The following ACOXL variants were observed in gnomAD, a reference collection of about 807,000 sequenced individuals.
The protein encoded by ACOXL is acyl-coenzyme A oxidase-like protein.
ACOXL carries 70 observed loss-of-function variants against 71.9 expected under a neutral mutation model. That is an observed-to-expected ratio of 0.97 (90% CI 0.80 to 1.19). ACOXL has a LOEUF of 1.19. Ranked by LOEUF, ACOXL falls within the 50% of genes most tolerant of loss-of-function variation. ACOXL has a pLI of 0.00. For missense variants in ACOXL, 703 were observed against 736.3 expected, an observed-to-expected ratio of 0.95 and a Z score of 0.52; for synonymous variants, 253 against 281.6, an observed-to-expected ratio of 0.90 and a Z score of 1.02.
chr2:111,059,751 A>G (rs2066712732), intron 16 of ACOXL, among the ~76,000 whole-genome samples: 1 of 150,098 alleles, frequency 6.7e-6, no homozygotes, highest in African/African-American at 2.5e-5. Context: ...ACCTGGAAAA[A>G]GCTAACGCAC....
At chr2:110,925,896 C>T (rs1320659894) in intron 11 of ACOXL, among the ~76,000 whole-genome samples, 2 of 128,022 alleles carry the variant, frequency 1.6e-5, no homozygotes, top group Admixed American at 9.4e-5. Flanking sequence ...AGCTTTCGAT[C>T]TAGAAAGACA....
chr2:110,937,237 C>T (rs527761034), intron 12 of ACOXL, among the ~76,000 whole-genome samples: 1 of 152,248 alleles, frequency 6.6e-6, no homozygotes, highest in South Asian at 2.1e-4. Context: ...AGCCCCCATC[C>T]AGAAGCTGAC....
intron 16 of ACOXL, among the ~76,000 whole-genome samples, chr2:111,088,353 C>T (rs1169109132): frequency 6.6e-6 from 1 of 152,178 alleles, no homozygotes; most frequent in East Asian, 1.9e-4. Flanking sequence ...CCTGTGTTCA[C>T]TGCAGCACCA....
At chr2:111,014,095 A>T (rs983027760) in intron 14 of ACOXL, among the ~76,000 whole-genome samples, 1 of 152,228 alleles carries the variant, frequency 6.6e-6, no homozygotes, top group Non-Finnish European at 1.5e-5. Flanking sequence ...TGGAGAGTAT[A>T]TCTACAAAAG....
At chr2:111,040,581 G>C (rs1231092786) in intron 15 of ACOXL, among the ~76,000 whole-genome samples, 3 of 152,158 alleles carry the variant, frequency 2.0e-5, no homozygotes, top group African/African-American at 4.8e-5. Context: ...TGAGATGAGA[G>C]CCCCCATAGA....
At chr2:110,943,245 AG>A (rs2060958732) in intron 12 of ACOXL, among the ~76,000 whole-genome samples, 1 of 150,114 alleles carries the variant, frequency 6.7e-6, no homozygotes, top group African/African-American at 2.5e-5. Context: ...AGAAAGAGAA[AG>A]AAAAAGAAAA....
At chr2:111,045,707 C>G (rs987870007) in intron 15 of ACOXL, among the ~76,000 whole-genome samples, 2 of 152,188 alleles carry the variant, frequency 1.3e-5, no homozygotes, top group African/African-American at 4.8e-5. Flanking sequence ...GAAACCTGCA[C>G]TGGCATAGTA....
chr2:110,800,198 C>G (rs1360064259), intron 7 of ACOXL, among the ~76,000 whole-genome samples: 1 of 152,188 alleles, frequency 6.6e-6, no homozygotes, highest in Admixed American at 6.5e-5. Flanking sequence ...TAACACTCAC[C>G]ATGAAGGTCT....
Position 111,084,302 on chromosome 2 carries a change from CACACACAA to C in ACOXL, c.1441-8562_1441-8555del, listed in dbSNP as rs1252091610. On this transcript the variant is annotated intron_variant, in intron 16 of 17. Coordinates refer to ENST00000439055, the MANE Select transcript of ACOXL (RefSeq NM_001142807.4). ...ACACACACACACACACACACACACA[CACACACAA>C]GAAGTGGAAGGATTGTGGGGGAGAC... 9.7e-4 allele frequency among the ~76,000 whole-genome samples: 135 copies of C among 138,654 alleles called. 1 individual carries two copies. The highest frequency in any genetic ancestry group is 3.4e-3 in the African/African-American group (122 of 36,144). The allele number at this position is 138,654 out of a possible 152,430, so 91.0% of individuals were successfully genotyped here.
intron 12 of ACOXL, among the ~76,000 whole-genome samples, chr2:110,946,102 T>C (rs1030063981): frequency 1.3e-5 from 2 of 152,256 alleles, no homozygotes; most frequent in African/African-American, 4.8e-5. Flanking sequence ...GCATCACGTT[T>C]TGTGGCATAA....
chr2:110,909,076 C>T (rs1558711830), intron 11 of ACOXL, among the ~76,000 whole-genome samples, 171 bp downstream of exon 11: 1 of 152,172 alleles, frequency 6.6e-6, no homozygotes, highest in Admixed American at 6.5e-5. Flanking sequence ...TAAACCACTG[C>T]AAATGTTTTT....
chr2:110,991,068 G>A (rs866980316), intron 13 of ACOXL, among the ~76,000 whole-genome samples: 6 of 152,032 alleles, frequency 3.9e-5, no homozygotes, highest in South Asian at 2.1e-4. Context: ...AAAATAATCC[G>A]GGCTTGGCGA....
chr2:111,045,477 G>A (rs1175495759), intron 15 of ACOXL, among the ~76,000 whole-genome samples: 1 of 152,196 alleles, frequency 6.6e-6, no homozygotes, highest in Non-Finnish European at 1.5e-5. Context: ...CTTTTGCTCA[G>A]CACTGCTTCG....
At chr2:110,783,799 A>G (rs1683623153) in intron 2 of ACOXL, among the ~76,000 whole-genome samples, 5 of 152,374 alleles carry the variant, frequency 3.3e-5, no homozygotes, top group Admixed American at 2.6e-4. Flanking sequence ...AACAAGGACA[A>G]CTAGCACTGA....
At chr2:111,026,196 G>A (rs2065009646) in intron 14 of ACOXL, among the ~76,000 whole-genome samples, 1 of 152,162 alleles carries the variant, frequency 6.6e-6, no homozygotes, top group Non-Finnish European at 1.5e-5. Context: ...GAGGCAGTGT[G>A]AATCCTCCAA....
chr2:110,806,896 A>G (rs1479399893), intron 9 of ACOXL, among the ~76,000 whole-genome samples: 1 of 151,964 alleles, frequency 6.6e-6, no homozygotes, highest in Admixed American at 6.6e-5. Flanking sequence ...GGGGTGGTGC[A>G]GACCAGACCA....
At chr2:111,014,781 A>G (rs1164385261) in intron 14 of ACOXL, among the ~76,000 whole-genome samples, 1 of 152,234 alleles carries the variant, frequency 6.6e-6, no homozygotes, top group Non-Finnish European at 1.5e-5. Flanking sequence ...AAGCAGAGAG[A>G]TCAATGGAAC....
intron 10 of ACOXL, among the ~76,000 whole-genome samples, chr2:110,886,089 C>T (rs1443106630): frequency 6.6e-6 from 1 of 152,010 alleles, no homozygotes; most frequent in East Asian, 1.9e-4. Context: ...GGATTATGGC[C>T]CAAACCCATA....
chr2:110,881,387 C>G (rs1488878462), intron 10 of ACOXL, among the ~76,000 whole-genome samples: 1 of 151,958 alleles, frequency 6.6e-6, no homozygotes, highest in East Asian at 1.9e-4. Flanking sequence ...AAAATTATAT[C>G]ATAAATTGCT....
Sources: gnomAD v4.1 joint callset for allele counts (sites outside exome capture counted in the v4.1 genomes callset) on GRCh38, gnomAD v4.1.1 for gene constraint, MANE v1.5 for transcripts, NCBI Gene and HGNC (gene_info 2026-07-23, HGNC 2026-07-21) for gene names.